Variants in CCDC91 observed in about 807,000 individuals in gnomAD.
CCDC91 encodes coiled-coil domain-containing protein 91.
In CCDC91, 48 loss-of-function variants were observed where a neutral mutation model predicts 63.2. The ratio of observed to expected loss-of-function variants is 0.76; its 90% CI spans 0.60 to 0.97. CCDC91 has a LOEUF of 0.97. Among genes scored for constraint, CCDC91 ranks in the 50% least tolerant of loss-of-function variants. CCDC91 has a pLI of 0.00. For missense variants in CCDC91, 500 were observed against 494.6 expected, an observed-to-expected ratio of 1.01 and a Z score of -0.10; for synonymous variants, 167 against 165.8, an observed-to-expected ratio of 1.01 and a Z score of -0.06.
At chr12:28,524,661 T>C (rs1305617740) in intron 12 of CCDC91, among the ~76,000 whole-genome samples, 1 of 152,158 alleles carries the variant, frequency 6.6e-6, no homozygotes, top group Non-Finnish European at 1.5e-5. Context: ...TGTAGAATAG[T>C]GTCAATAGGA....
intron 6 of CCDC91, among the ~76,000 whole-genome samples, chr12:28,330,324 G>A (rs1398804137): frequency 1.3e-5 from 2 of 152,122 alleles, no homozygotes; most frequent in African/African-American, 4.8e-5. Context: ...GGTGTGAGAT[G>A]GTATCTCACT....
At chr12:28,397,684 TGA>T (rs1164651170) in intron 8 of CCDC91, among the ~76,000 whole-genome samples, 3 of 152,202 alleles carry the variant, frequency 2.0e-5, no homozygotes, top group Non-Finnish European at 4.4e-5. Flanking sequence ...GAATTTTTTT[TGA>T]GTTACTTTCC....
intron 6 of CCDC91, among the ~76,000 whole-genome samples, chr12:28,333,809 A>G (rs1941706659): frequency 6.6e-6 from 1 of 152,164 alleles, no homozygotes; most frequent in South Asian, 2.1e-4. Context: ...AGTTTCTCAC[A>G]CGTGTAATTT....
chr12:28,375,699 G>A lies in CCDC91; in HGVS notation c.654+13184G>A, dbSNP rs552331716. ...ATGTACATCTTGGAAGACTACATAG[G>A]CACATGCCACATCGAAGATTGTTTA... On this transcript the variant is annotated intron_variant, in intron 7 of 12. Transcript: ENST00000536442. Among the ~76,000 whole-genome samples the A allele has an allele frequency of 1.1e-3, 160 of 151,798 alleles. 1 individual carries two copies. The highest frequency in any genetic ancestry group is 3.1e-3 in the African/African-American group (128 of 41,494).
At chr12:28,376,121 T>A (rs1319714513) in intron 7 of CCDC91, among the ~76,000 whole-genome samples, 6 of 151,792 alleles carry the variant, frequency 4.0e-5, no homozygotes, top group South Asian at 4.1e-4. Context: ...TTTTCTTTTT[T>A]AAAAAAAATT....
At chr12:28,309,181 C>T (rs139928842) in intron 6 of CCDC91, among the ~76,000 whole-genome samples, 13 of 152,028 alleles carry the variant, frequency 8.6e-5, no homozygotes, top group South Asian at 8.3e-4. Context: ...ATAAGAAAAA[C>T]GCAGGCAGTG....
chr12:28,507,118 T>C (rs542095718), intron 12 of CCDC91, among the ~76,000 whole-genome samples: 2 of 152,086 alleles, frequency 1.3e-5, no homozygotes, highest in South Asian at 4.1e-4. Flanking sequence ...GCTTTATAAA[T>C]AGGCTTGTAT....
At chr12:28,471,030 A>G (rs1400470362) in intron 11 of CCDC91, among the ~76,000 whole-genome samples, 1 of 152,212 alleles carries the variant, frequency 6.6e-6, no homozygotes, top group Non-Finnish European at 1.5e-5. Flanking sequence ...ATAATTTTGA[A>G]GAAAAAAATA....
chr12:28,335,248 T>C (rs2137792933), intron 6 of CCDC91, among the ~76,000 whole-genome samples: 2 of 138,448 alleles, frequency 1.4e-5, no homozygotes, highest in East Asian at 4.0e-4. Context: ...ACTTATATAA[T>C]ATATAATACA....
chr12:28,339,650 G>T (rs1159008504), intron 6 of CCDC91, among the ~76,000 whole-genome samples: 1 of 152,132 alleles, frequency 6.6e-6, no homozygotes, highest in Non-Finnish European at 1.5e-5. Flanking sequence ...AAGAGATTAT[G>T]TGTAAATACC....
At chr12:28,473,974 T>TG (rs1950953154) in intron 11 of CCDC91, among the ~76,000 whole-genome samples, 2 of 149,592 alleles carry the variant, frequency 1.3e-5, no homozygotes, top group Admixed American at 1.3e-4. Flanking sequence ...GCATGTGTGT[T>TG]TGTGTGTGTG....
intron 8 of CCDC91, among the ~76,000 whole-genome samples, chr12:28,418,926 T>G (rs541520382): frequency 9.2e-5 from 14 of 152,170 alleles, no homozygotes; most frequent in African/African-American, 3.4e-4. Flanking sequence ...ACTCCAACAG[T>G]TAAAAGTAAA....
chr12:28,525,535 G>C (rs1211739416), intron 12 of CCDC91, among the ~76,000 whole-genome samples: 1 of 152,052 alleles, frequency 6.6e-6, no homozygotes, highest in Non-Finnish European at 1.5e-5. Context: ...GTCTATCTTG[G>C]AGAAAGTTCC....
chr12:28,212,162 T>C (rs1290902802), intron 1 of CCDC91, among the ~76,000 whole-genome samples: 2 of 152,162 alleles, frequency 1.3e-5, no homozygotes, highest in African/African-American at 4.8e-5. Context: ...TCAGTGCTCC[T>C]GGGGGTCGTT....
intron 11 of CCDC91, among the ~76,000 whole-genome samples, chr12:28,457,974 C>T (rs1950129134): frequency 6.6e-6 from 1 of 152,054 alleles, no homozygotes; most frequent in Non-Finnish European, 1.5e-5. Flanking sequence ...ACGTTGGAAG[C>T]TCTTCATAAT....
chr12:28,318,254 G>A (rs1490919642), intron 6 of CCDC91, among the ~76,000 whole-genome samples: 1 of 151,696 alleles, frequency 6.6e-6, no homozygotes, highest in African/African-American at 2.4e-5. Context: ...TAGTACGGTG[G>A]TTCATATCTG....
chr12:28,304,746 G>A, intron 3 of CCDC91: 1 of 800,006 alleles, frequency 1.2e-6, no homozygotes, highest in Non-Finnish European at 1.8e-6. Context: ...ATGTATAAAT[G>A]GGCTGCACCA....
chr12:28,513,177 T>C (rs10047632), intron 12 of CCDC91, among the ~76,000 whole-genome samples: 15,498 of 151,894 alleles, frequency 0.1, 2,137 homozygotes, highest in African/African-American at 0.32. Context: ...GGAAATCCGA[T>C]GCAGCTACAT....
At chr12:28,518,144 A>C (rs1297372612) in intron 12 of CCDC91, among the ~76,000 whole-genome samples, 1 of 152,110 alleles carries the variant, frequency 6.6e-6, no homozygotes, top group African/African-American at 2.4e-5. Context: ...CTCTGGGTAG[A>C]TACCCAGTAG....
Sources: allele counts gnomAD v4.1 joint callset (sites outside exome capture counted in the v4.1 genomes callset), GRCh38; gene constraint gnomAD v4.1.1; transcripts MANE v1.5; gene names NCBI Gene and HGNC (gene_info 2026-07-23, HGNC 2026-07-21).